Variants in ACSBG2 observed in about 807,000 individuals in gnomAD.
ACSBG2 encodes the protein acyl-CoA synthetase bubblegum family member 2.
In ACSBG2, 62 loss-of-function variants were observed where a neutral mutation model predicts 74.7. That is an observed-to-expected ratio of 0.83 (90% CI 0.68 to 1.03). ACSBG2 has a LOEUF of 1.03. Ranked by LOEUF, ACSBG2 falls within the 50% of genes least tolerant of loss-of-function variation. The pLI, the probability that ACSBG2 is intolerant of heterozygous loss-of-function variation, is 0.00. For missense variants in ACSBG2, 730 were observed against 817.6 expected, an observed-to-expected ratio of 0.89 and a Z score of 1.31; for synonymous variants, 309 against 294.1, an observed-to-expected ratio of 1.05 and a Z score of -0.52.
At chr19:6,177,514 A>C in intron 8 of ACSBG2, 118 bp downstream of exon 8, 1 of 1,043,196 alleles carries the variant, frequency 9.6e-7, no homozygotes, top group East Asian at 2.7e-5. Context: ...TAACGGTTTT[A>C]TCTCTGCCCT....
At chr19:6,155,348 G>C (rs928529843) in intron 4 of ACSBG2, among the ~76,000 whole-genome samples, 4 of 152,148 alleles carry the variant, frequency 2.6e-5, no homozygotes, top group Non-Finnish European at 5.9e-5. Context: ...AAAGCTTCTA[G>C]AAAAAGAAAA....
At chr19:6,160,396 A>C (rs2089567069) in intron 5 of ACSBG2, among the ~76,000 whole-genome samples, 1 of 150,390 alleles carries the variant, frequency 6.6e-6, no homozygotes, top group African/African-American at 2.5e-5. Context: ...TCTCAAAAAA[A>C]AAAAAAAAGA....
chr19:6,187,677 A>C lies in ACSBG2; in HGVS notation c.1759A>C (p.Ser587Arg). 1.2e-6 allele frequency: 2 copies of C among 1,614,158 alleles called. No individual in the cohort carries two copies. The highest frequency in any genetic ancestry group is 1.7e-6 in the Non-Finnish European group (2 of 1,180,040). ...EAINFCRGLG[S>R]QASTVTEIVK... ...CATCAACTTCTGTCGGGGTCTGGGCAGCCAGGCATCCACCGTGACTGAGAT... is the reference window on the plus strand; with the variant it reads ...CATCAACTTCTGTCGGGGTCTGGGCCGCCAGGCATCCACCGTGACTGAGAT... Residue 587 changes from serine (S) to arginine (R), a missense_variant, in exon 13 of 15, where the codon AGC (serine) becomes CGC (arginine). Physicochemically the swap from Ser to Arg is moderately radical, Grantham distance 110. Transcript: ENST00000588485.
At position 6,187,364 on chromosome 19, in the gene ACSBG2, G is replaced by T. The variant is rs1044699609; in HGVS notation, c.1622G>T (p.Ser541Ile). The T allele has an allele frequency of 1.2e-6, 2 of 1,614,134 alleles. No homozygotes were observed. Among genetic ancestry groups the T allele is most frequent in the Non-Finnish European group, 1.7e-6 (2 of 1,180,032 alleles). The change falls in exon 12 of 15, where the codon AGT becomes ATT. Residue 541 changes from serine to isoleucine, a missense_variant. Ser to Ile is a moderately radical substitution (Grantham distance 142). Transcript: ENST00000588485. The part of the protein sequence containing the change: ...TLVKKKIPII[S>I]NAMLVGDKLK... ...GTTAAGAAGAAGATCCCCATCATCA[G>T]TAACGCCATGTTAGTAGGAGATAAA...
At position 6,182,750 on chromosome 19, in the gene ACSBG2, G is replaced by C. The variant is rs778739485; in HGVS notation, c.907-1G>C. 1 of 1,613,610 alleles carries C rather than the reference G, an allele frequency of 6.2e-7. No individual in the cohort carries two copies. The highest frequency in any genetic ancestry group is 1.3e-5 in the African/African-American group (1 of 74,898). On this transcript the variant is annotated splice_acceptor_variant, in intron 8 of 14. Coordinates refer to ENST00000588485, the MANE Select transcript of ACSBG2 (RefSeq NM_030924.5). LOFTEE classifies it high-confidence loss of function. ...GGCTAACCTAGCTTCGTTCCATACAGGGCACCTTGGTAAGTACTCTAAAGG... is the reference window on the plus strand; with the variant it reads ...GGCTAACCTAGCTTCGTTCCATACACGGCACCTTGGTAAGTACTCTAAAGG...
chr19:6,171,785 G>C (rs1325832904), intron 7 of ACSBG2, among the ~76,000 whole-genome samples: 1 of 152,070 alleles, frequency 6.6e-6, no homozygotes, highest in Non-Finnish European at 1.5e-5. Context: ...AAATTTTCCT[G>C]TATTACTCCC....
At chr19:6,140,658 C>T (rs1403972161) in intron 1 of ACSBG2, among the ~76,000 whole-genome samples, 7 of 152,110 alleles carry the variant, frequency 4.6e-5, no homozygotes, top group South Asian at 2.1e-4. Context: ...CCAGCCTAGG[C>T]GACAAAACCA....
chr19:6,188,721 T>C (rs1482351910), intron 13 of ACSBG2, among the ~76,000 whole-genome samples: 1 of 152,000 alleles, frequency 6.6e-6, no homozygotes, highest in Non-Finnish European at 1.5e-5. Context: ...AAATCTCTCT[T>C]TGAGGAATTC....
chr19:6,190,790 AACACACACATACACACATACATACACAC>A (rs2090539415), intron 14 of ACSBG2, 98 bp downstream of exon 14: 4 of 557,792 alleles, frequency 7.2e-6, no homozygotes, highest in South Asian at 1.8e-5. Flanking sequence ...AACTGCAGAA[AACACACACATACACACATACATACACAC>A]ACACACACAC....
Position 6,183,068 on chromosome 19 carries a change from T to A in ACSBG2, c.1118T>A (p.Met373Lys), listed in dbSNP as rs750935112. 6.2e-7 allele frequency: 1 copy of A among 1,614,208 alleles called. No homozygotes were observed. Among genetic ancestry groups the A allele is most frequent in the Non-Finnish European group, 8.5e-7 (1 of 1,180,032 alleles). Reference sequence around the variant, plus strand: ...TATAATACTCCCGTGAGCTACCGCATGGCTAAGACTCTCGTGTTCAGCAAA... The same window carrying A: ...TATAATACTCCCGTGAGCTACCGCAAGGCTAAGACTCTCGTGTTCAGCAAA... ...GKYNTPVSYR[M>K]AKTLVFSKVK... Residue 373 changes from methionine (M) to lysine (K), a missense_variant, in exon 10 of 15, where the codon ATG becomes AAG. Physicochemically the swap from Met to Lys is moderately conservative, Grantham distance 95. Transcript: ENST00000588485.
Position 6,183,057 on chromosome 19 carries a change from G to A in ACSBG2, c.1107G>A (p.Val369=), listed in dbSNP as rs867340883. The part of the protein sequence containing the change: ...KKMLGKYNTP[V]SYRMAKTLVF... ...TTCACAGGAAATATAATACTCCCGTGAGCTACCGCATGGCTAAGACTCTCG... is the reference window on the plus strand; with the variant it reads ...TTCACAGGAAATATAATACTCCCGTAAGCTACCGCATGGCTAAGACTCTCG... The change falls in exon 10 of 15, where the codon GTG becomes GTA. Residue 369 remains valine, a synonymous_variant. Transcript: ENST00000588485. 6.2e-7 allele frequency: 1 copy of A among 1,614,168 alleles called. No homozygotes were observed. The highest frequency in any genetic ancestry group is 8.5e-7 in the Non-Finnish European group (1 of 1,180,026).
At chr19:6,162,325 G>A (rs1225642404) in intron 6 of ACSBG2, among the ~76,000 whole-genome samples, 1 of 147,702 alleles carries the variant, frequency 6.8e-6, no homozygotes, top group Non-Finnish European at 1.5e-5. Context: ...CCAGCACTTT[G>A]GGAGGCCGAG....
intron 7 of ACSBG2, among the ~76,000 whole-genome samples, chr19:6,168,289 G>A (rs528200617): frequency 6.6e-6 from 1 of 152,142 alleles, no homozygotes; most frequent in Non-Finnish European, 1.5e-5. Flanking sequence ...TTTCCACACA[G>A]CTTGTTCCCT....
chr19:6,187,964 G>C, intron 13 of ACSBG2, 119 bp downstream of exon 13: 1 of 1,457,560 alleles, frequency 6.9e-7, no homozygotes. Context: ...CAGGGACCAG[G>C]AGAGGGAGGC....
rs935601027 is a variant in ACSBG2, at chr19:6,174,184, G to C, written c.739-3045G>C. Among the ~76,000 whole-genome samples the C allele has an allele frequency of 1.3e-5, 2 of 152,194 alleles. No homozygotes were observed. Among genetic ancestry groups the C allele is most frequent in the Non-Finnish European group, 2.9e-5 (2 of 67,998 alleles). Reference sequence around the variant, plus strand: ...ACTCCTGACCTCAGGTGATCCACCCGCCTTGGCCTCCCAAAGTGCTGGGAC... The same window carrying C: ...ACTCCTGACCTCAGGTGATCCACCCCCCTTGGCCTCCCAAAGTGCTGGGAC... On this transcript the variant is annotated intron_variant, in intron 7 of 14. Coordinates refer to ENST00000588485, the MANE Select transcript of ACSBG2 (RefSeq NM_030924.5). The surrounding 1 kb of genome is among the most constrained non-coding windows in gnomAD (Gnocchi z 4.2).
chr19:6,165,526 A>G (rs934052103), intron 6 of ACSBG2, among the ~76,000 whole-genome samples: 4 of 152,356 alleles, frequency 2.6e-5, no homozygotes. Flanking sequence ...ACTCCGTAGA[A>G]CACTTACCAC....
At chr19:6,160,401 AAAAG>A (rs1329875429) in intron 5 of ACSBG2, among the ~76,000 whole-genome samples, 3 of 150,634 alleles carry the variant, frequency 2.0e-5, no homozygotes, top group Non-Finnish European at 2.9e-5. Flanking sequence ...AAAAAAAAAA[AAAAG>A]AAAGAAAGAA....
intron 6 of ACSBG2, among the ~76,000 whole-genome samples, chr19:6,165,531 T>G (rs764370804): frequency 1.4e-4 from 21 of 152,194 alleles, no homozygotes; most frequent in Non-Finnish European, 2.9e-4. Flanking sequence ...GTAGAACACT[T>G]ACCACCTGCC....
In ACSBG2 at chr19:6,185,598, G is replaced by A. The variant is rs776104785; in HGVS notation, c.1485G>A (p.Gly495=). 17 of 1,614,178 alleles carry A rather than the reference G, an allele frequency of 1.1e-5. No individual in the cohort carries two copies. In the South Asian group the frequency reaches 1.9e-4, roughly 18 times the overall value. ...ATGATGAAGGCTGGCTACACTCTGG[G>A]GATCTGGGCCAGCTGGACGGTCTGG... The part of the protein sequence containing the change: ...AIDDEGWLHS[G]DLGQLDGLGF... Residue 495 remains glycine, a synonymous_variant, in exon 11 of 15, where the codon GGG becomes GGA. Transcript: ENST00000588485.
Sources: gnomAD v4.1 joint callset for allele counts (sites outside exome capture counted in the v4.1 genomes callset) on GRCh38, gnomAD v4.1.1 for gene constraint, Gnocchi (gnomAD v3.1) non-coding constraint, MANE v1.5 for transcripts, NCBI Gene and HGNC (gene_info 2026-07-23, HGNC 2026-07-21) for gene names.